SCAF8: variants seen among roughly 807,000 people sequenced by gnomAD.
SCAF8 encodes the protein SR-related CTD associated factor 8.
SCAF8 carries 23 observed loss-of-function variants against 140.5 expected under a neutral mutation model. The observed-to-expected ratio is 0.16, with a 90% CI of 0.12 to 0.23. The LOEUF (loss-of-function observed/expected upper bound fraction) is 0.23, where lower values mean the gene tolerates loss of function less well. Among genes scored for constraint, SCAF8 ranks in the 10% least tolerant of loss-of-function variants. The pLI is 1.00. For missense variants in SCAF8, 1,397 were observed against 1,555.7 expected (o/e 0.90, Z 1.72); for synonymous variants, 575 against 528.9 (o/e 1.09, Z -1.20).
intron 3 of SCAF8, among the ~76,000 whole-genome samples, chr6:154,779,114 C>T (rs1250868464): frequency 6.6e-6 from 1 of 152,112 alleles, no homozygotes. Context: ...CTCACTGCAA[C>T]CTCTGTCTCC....
At chr6:154,738,428 T>C (rs1253425807) in intron 1 of SCAF8, among the ~76,000 whole-genome samples, 3 of 152,228 alleles carry the variant, frequency 2.0e-5, no homozygotes, top group Non-Finnish European at 4.4e-5. Context: ...GGTAAATTTT[T>C]CTTCTCACGA....
At chr6:154,734,867 G>C (rs1778369639) in intron 1 of SCAF8, among the ~76,000 whole-genome samples, 1 of 152,198 alleles carries the variant, frequency 6.6e-6, no homozygotes, top group South Asian at 2.1e-4. Context: ...GCTCAGGCCT[G>C]TAATCCCAGC....
intron 13 of SCAF8, among the ~76,000 whole-genome samples, chr6:154,816,028 G>A (rs2114663823): frequency 6.6e-6 from 1 of 152,248 alleles, no homozygotes; most frequent in African/African-American, 2.4e-5. Context: ...CTAACAAAAT[G>A]TTCTTGAGTT....
chr6:154,770,193 A>C (rs965373291), intron 1 of SCAF8, among the ~76,000 whole-genome samples: 7 of 152,120 alleles, frequency 4.6e-5, no homozygotes, highest in African/African-American at 1.7e-4. Flanking sequence ...TCACACCTGT[A>C]ATCTCAGCAG....
intron 1 of SCAF8, among the ~76,000 whole-genome samples, chr6:154,760,713 GT>G (rs11293925): frequency 0.58 from 88,428 of 151,752 alleles, 27,652 homozygotes; most frequent in East Asian, 0.91. Context: ...TTTTCTTTGT[GT>G]TTTTTTTGTA....
In SCAF8 at chr6:154,831,917, T is replaced by C. The variant is rs777861016; in HGVS notation, c.2360-22T>C. ...ACTTTTGACTGTTATTTTGAGTTTT[T>C]TCTCTCTCTCTTTTTTTTTAGTGAT... On this transcript the variant is annotated intron_variant, in intron 19 of 19. Coordinates refer to ENST00000367178, the MANE Select transcript of SCAF8 (RefSeq NM_014892.5). 27 of 1,558,062 alleles carry C rather than the reference T, an allele frequency of 1.7e-5. No individual in the cohort carries two copies. In the East Asian group the frequency reaches 1.8e-4, roughly 10 times the overall value.
intron 10 of SCAF8, 83 bp from the exon 11 acceptor site, chr6:154,808,603 A>G (rs1018504639): frequency 5.6e-5 from 51 of 905,702 alleles, no homozygotes; most frequent in East Asian, 3.9e-4. Context: ...CCCATCGTCA[A>G]TATTTTTAAA....
At chr6:154,770,443 G>A (rs1277383151) in intron 1 of SCAF8, among the ~76,000 whole-genome samples, 2 of 150,490 alleles carry the variant, frequency 1.3e-5, no homozygotes, top group East Asian at 3.9e-4. Context: ...GTGGCGGTCC[G>A]TGCCTATAGT....
chr6:154,794,771 G>GT (rs1777540166), intron 5 of SCAF8, among the ~76,000 whole-genome samples: 4 of 55,162 alleles, frequency 7.3e-5, no homozygotes, highest in South Asian at 7.9e-4. Context: ...GGGGGGGGGG[G>GT]GTGTGGGGGG....
intron 1 of SCAF8, among the ~76,000 whole-genome samples, chr6:154,736,747 C>T (rs1778432659): frequency 1.3e-5 from 2 of 151,684 alleles, no homozygotes; most frequent in African/African-American, 2.4e-5. Flanking sequence ...CCTGTTTTCT[C>T]ATTTTACAGG....
At chr6:154,814,434 A>AC (rs1188530804) in intron 12 of SCAF8, among the ~76,000 whole-genome samples, 6 of 152,222 alleles carry the variant, frequency 3.9e-5, no homozygotes, top group Non-Finnish European at 8.8e-5. Context: ...CAGGGAAAGA[A>AC]CAATGACCAG....
intron 15 of SCAF8, 37 bp downstream of exon 15, chr6:154,820,370 G>C (rs1475025901): frequency 6.5e-7 from 1 of 1,548,348 alleles, no homozygotes; most frequent in South Asian, 1.2e-5. Flanking sequence ...TTAAAAAAAA[G>C]TATGCTTAGA....
intron 7 of SCAF8, 90 bp downstream of exon 7, chr6:154,802,237 T>C: frequency 1.3e-6 from 1 of 798,094 alleles, no homozygotes; most frequent in Non-Finnish European, 1.9e-6. Context: ...AATTTTATTG[T>C]AGACTTTCAG....
chr6:154,816,401 G>T (rs989008436), intron 13 of SCAF8, among the ~76,000 whole-genome samples: 1 of 152,186 alleles, frequency 6.6e-6, no homozygotes, highest in Non-Finnish European at 1.5e-5. Flanking sequence ...GCACCACTCA[G>T]TCTCCTCCTT....
intron 5 of SCAF8, 81 bp from the exon 6 acceptor site, chr6:154,794,928 T>C: frequency 1.5e-6 from 2 of 1,315,196 alleles, no homozygotes; most frequent in East Asian, 2.4e-5. Flanking sequence ...ATAAAAGTAA[T>C]AAAACAAGTT....
At chr6:154,784,155 A>ATTTATTTATT (rs1554260676) in intron 3 of SCAF8, among the ~76,000 whole-genome samples, 13 of 92,012 alleles carry the variant, frequency 1.4e-4, no homozygotes, top group East Asian at 1.1e-3. Context: ...ATATATATAT[A>ATTTATTTATT]TATTTATTTA....
chr6:154,780,628 T>A (rs1326643442), intron 3 of SCAF8, among the ~76,000 whole-genome samples: 1 of 151,834 alleles, frequency 6.6e-6, no homozygotes, highest in Non-Finnish European at 1.5e-5. Context: ...GGATCTTTGG[T>A]TTTCTGTTCC....
chr6:154,777,169 A>G (rs1396941919), intron 2 of SCAF8, among the ~76,000 whole-genome samples: 1 of 151,908 alleles, frequency 6.6e-6, no homozygotes, highest in African/African-American at 2.4e-5. Context: ...TGACAGAGTG[A>G]GAGTGTGTCT....
intron 13 of SCAF8, among the ~76,000 whole-genome samples, chr6:154,816,478 C>T (rs1339734090): frequency 6.6e-6 from 1 of 150,532 alleles, no homozygotes; most frequent in African/African-American, 2.5e-5. Context: ...CTTTGGTTAG[C>T]TATTTTAATT....
Sources: gnomAD v4.1 joint callset for allele counts (sites outside exome capture counted in the v4.1 genomes callset) on GRCh38, gnomAD v4.1.1 for gene constraint, MANE v1.5 for transcripts, NCBI Gene and HGNC (gene_info 2026-07-23, HGNC 2026-07-21) for gene names.